Variants in PAPOLA observed in about 807,000 individuals in gnomAD.
PAPOLA encodes poly(A) polymerase alpha, also known as polynucleotide adenylyltransferase alpha.
A neutral mutation model predicts 100.6 loss-of-function variants in PAPOLA; 15 were observed. That is an observed-to-expected ratio of 0.15 (90% CI 0.10 to 0.23). The LOEUF is 0.23. Among genes scored for constraint, PAPOLA ranks in the 10% least tolerant of loss-of-function variants. PAPOLA has a pLI of 1.00. For synonymous variants in PAPOLA, 293 were observed against 300.0 expected (o/e 0.98, Z 0.24); for missense variants, 533 against 884.2 (o/e 0.60, Z 5.04).
chr14:96,554,776 G>A (rs1901153804), intron 17 of PAPOLA, among the ~76,000 whole-genome samples: 1 of 152,212 alleles, frequency 6.6e-6, no homozygotes, highest in Non-Finnish European at 1.5e-5. Flanking sequence ...GGAGAGTAAA[G>A]GAGTGTGATG....
intron 17 of PAPOLA, chr14:96,553,187 A>G (rs11626979): frequency 0.18 from 27,591 of 152,420 alleles, 3,474 homozygotes; most frequent in East Asian, 0.61. Context: ...CTGAGACTAC[A>G]GGCGCATGCC....
At chr14:96,544,052 T>C in intron 14 of PAPOLA, 97 bp from the exon 15 acceptor site, 2 of 714,156 alleles carry the variant, frequency 2.8e-6, no homozygotes, top group Non-Finnish European at 4.9e-6. Context: ...CTCATACATT[T>C]GTATTGTAAG....
intron 2 of PAPOLA, among the ~76,000 whole-genome samples, 166 bp downstream of exon 2, chr14:96,520,394 T>G (rs945003956): frequency 2.6e-5 from 4 of 152,202 alleles, no homozygotes. Context: ...TTTTTGTTTT[T>G]GAGACGGAGT....
intron 1 of PAPOLA, 123 bp downstream of exon 1, chr14:96,502,723 A>C (rs1896378399): frequency 9.2e-7 from 1 of 1,087,198 alleles, no homozygotes; most frequent in African/African-American, 1.6e-5. Flanking sequence ...GGTAGGAGGC[A>C]GGCAGGACTG....
At chr14:96,541,994 G>C (rs969210646) in intron 12 of PAPOLA, 1 of 279,132 alleles carries the variant, frequency 3.6e-6, no homozygotes, top group African/African-American at 2.2e-5. Flanking sequence ...GCTTATTTAT[G>C]CTTCTTGAAT....
intron 4 of PAPOLA, chr14:96,526,037 A>G (rs567986723): frequency 3.3e-5 from 5 of 152,326 alleles, no homozygotes; most frequent in African/African-American, 7.2e-5. Context: ...ATTATAAAAT[A>G]TAGCTAAGCA....
At chr14:96,540,522 G>T (rs527799067) in intron 12 of PAPOLA, among the ~76,000 whole-genome samples, 1 of 151,840 alleles carries the variant, frequency 6.6e-6, no homozygotes, top group South Asian at 2.1e-4. Flanking sequence ...TTGGAACTCC[G>T]AGTATGGGTT....
chr14:96,502,754 C>G (rs1057354030), intron 1 of PAPOLA, 154 bp downstream of exon 1: 17 of 743,602 alleles, frequency 2.3e-5, no homozygotes, highest in Admixed American at 4.0e-5. Flanking sequence ...TGTTTCCTCG[C>G]TCGCTCGCCG....
In PAPOLA at chr14:96,520,101, C is replaced by T. The variant is rs1233867223; in HGVS notation, c.55C>T (p.His19Tyr). The T allele has an allele frequency of 1.9e-6, 3 of 1,613,570 alleles. No individual in the cohort carries two copies. In the African/African-American group the frequency reaches 4.0e-5, roughly 22 times the overall value. The change falls in exon 2 of 22, where the codon CAC becomes TAC. Residue 19 changes from histidine to tyrosine, a missense_variant. His to Tyr is a moderately conservative substitution (Grantham distance 83, BLOSUM62 2). Transcript: ENST00000216277. The part of the protein sequence containing the change: ...GSQQTQPPQK[H>Y]YGITSPISLA... ...ACAACAAACACAACCGCCACAGAAG[C>T]ACTATGGCATTACTTCTCCTATCAG...
intron 3 of PAPOLA, 27 bp from the exon 4 acceptor site, chr14:96,525,283 C>G: frequency 8.9e-7 from 1 of 1,118,940 alleles, no homozygotes; most frequent in Non-Finnish European, 1.4e-6. Context: ...GCTCCACTGG[C>G]AAAATAACCA....
chr14:96,516,406 C>T (rs940193826), intron 1 of PAPOLA, among the ~76,000 whole-genome samples: 1 of 151,436 alleles, frequency 6.6e-6, no homozygotes, highest in East Asian at 1.9e-4. Context: ...CCCTCCCTCC[C>T]TCCTGGGCTC....
intron 16 of PAPOLA, among the ~76,000 whole-genome samples, chr14:96,550,451 A>G (rs1900755488): frequency 6.6e-6 from 1 of 152,212 alleles, no homozygotes; most frequent in African/African-American, 2.4e-5. Flanking sequence ...GTCATCTAGA[A>G]TATAAAGAGA....
intron 9 of PAPOLA, chr14:96,533,714 C>A: frequency 6.1e-6 from 2 of 325,968 alleles, no homozygotes; most frequent in Non-Finnish European, 8.8e-6. Context: ...GCCACCACGC[C>A]TGGCTAATTT....
chr14:96,503,256 C>T (rs1225077134), intron 1 of PAPOLA, among the ~76,000 whole-genome samples: 1 of 152,208 alleles, frequency 6.6e-6, no homozygotes, highest in Non-Finnish European at 1.5e-5. Context: ...CACAGGGTGC[C>T]CTCCTCCAAA....
intron 16 of PAPOLA, among the ~76,000 whole-genome samples, chr14:96,548,678 A>C (rs928709577): frequency 6.6e-6 from 1 of 152,236 alleles, no homozygotes; most frequent in Non-Finnish European, 1.5e-5. Flanking sequence ...TGATACTTCC[A>C]TATAAAGTTT....
intron 15 of PAPOLA, among the ~76,000 whole-genome samples, chr14:96,546,248 G>C (rs1396673519): frequency 6.6e-6 from 1 of 151,976 alleles, no homozygotes; most frequent in Admixed American, 6.6e-5. Context: ...ATACATTGAG[G>C]TTTCTGCTAC....
At chr14:96,533,659 A>G (rs1430765364) in intron 9 of PAPOLA, 56 of 428,338 alleles carry the variant, frequency 1.3e-4, no homozygotes, top group African/African-American at 1.3e-3. Context: ...GATTCATGCT[A>G]TTCTCCTGCC....
chr14:96,514,403 G>A (rs574840125), intron 1 of PAPOLA, among the ~76,000 whole-genome samples: 5 of 151,196 alleles, frequency 3.3e-5, no homozygotes, highest in African/African-American at 9.7e-5. Context: ...GGGTGGTCTC[G>A]ATCTCCTGAC....
At chr14:96,541,537 AGTTT>A (rs1419108470) in intron 12 of PAPOLA, among the ~76,000 whole-genome samples, 4 of 152,168 alleles carry the variant, frequency 2.6e-5, no homozygotes, top group Non-Finnish European at 5.9e-5. Flanking sequence ...AGTTGTAAAT[AGTTT>A]GTTTTAAAAA....
Sources: gnomAD v4.1 joint callset for allele counts (sites outside exome capture counted in the v4.1 genomes callset) on GRCh38, gnomAD v4.1.1 for gene constraint, MANE v1.5 for transcripts, NCBI Gene and HGNC (gene_info 2026-07-23, HGNC 2026-07-21) for gene names.